Variants in NUP107 observed in about 807,000 individuals in gnomAD.
The protein encoded by NUP107 is nucleoporin 107.
In NUP107, 101 loss-of-function variants were observed where a neutral mutation model predicts 141.0. That is an observed-to-expected ratio of 0.72 (90% CI 0.61 to 0.84). The LOEUF (loss-of-function observed/expected upper bound fraction) is 0.84. NUP107 is among the 40% of genes least tolerant of loss of function. The pLI, the probability that NUP107 is intolerant of heterozygous loss-of-function variation, is 0.00. For synonymous variants in NUP107, 319 were observed against 363.9 expected (o/e 0.88, Z 1.41); for missense variants, 941 against 1,102.7 (o/e 0.85, Z 2.08).
chr12:68,719,302 C>A, intron 12 of NUP107, 39 bp from the exon 13 acceptor site: 1 of 1,483,052 alleles, frequency 6.7e-7, no homozygotes, highest in Admixed American at 1.7e-5. Context: ...TATAAAGCAC[C>A]CTGGTTATTG....
intron 8 of NUP107, chr12:68,706,503 G>T: frequency 1.5e-6 from 1 of 685,960 alleles, no homozygotes; most frequent in South Asian, 1.6e-5. Flanking sequence ...AGCTGCAGAC[G>T]CTGGCTTGGA....
At chr12:68,730,214 C>CCTTTTTTTTTT (rs1877759040) in intron 20 of NUP107, among the ~76,000 whole-genome samples, 1 of 85,382 alleles carries the variant, frequency 1.2e-5, no homozygotes, top group East Asian at 3.5e-4. Context: ...GTGATACTAC[C>CCTTTTTTTTTT]TTTTTTTTTT....
chr12:68,709,743 G>A (rs566417068), intron 9 of NUP107, among the ~76,000 whole-genome samples: 2 of 151,986 alleles, frequency 1.3e-5, no homozygotes, highest in East Asian at 3.9e-4. Context: ...AAAAAAATTA[G>A]CTGGGTGTGG....
At chr12:68,730,530 T>G (rs1877777676) in intron 20 of NUP107, among the ~76,000 whole-genome samples, 1 of 152,168 alleles carries the variant, frequency 6.6e-6, no homozygotes, top group South Asian at 2.1e-4. Context: ...CAAGTGATAC[T>G]TCTGCCTCAG....
At chr12:68,738,251 G>A (rs2136052282) in intron 26 of NUP107, among the ~76,000 whole-genome samples, 1 of 151,462 alleles carries the variant, frequency 6.6e-6, no homozygotes, top group Admixed American at 6.6e-5. Context: ...ACTCCAGCCT[G>A]GCAACAGAGC....
intron 19 of NUP107, 28 bp from the exon 20 acceptor site, chr12:68,727,323 T>C: frequency 8.2e-7 from 1 of 1,226,222 alleles, no homozygotes; most frequent in South Asian, 1.3e-5. Flanking sequence ...GCAGTGTATT[T>C]ATAATTATGT....
intron 3 of NUP107, 120 bp from the exon 4 acceptor site, chr12:68,690,511 G>T: frequency 1.7e-6 from 2 of 1,190,138 alleles, no homozygotes; most frequent in Non-Finnish European, 2.4e-6. Flanking sequence ...GTATTTATTT[G>T]GTTAGAGTCT....
chr12:68,740,765 T>G (rs1276682152), intron 26 of NUP107, among the ~76,000 whole-genome samples: 1 of 152,188 alleles, frequency 6.6e-6, no homozygotes, highest in East Asian at 1.9e-4. Flanking sequence ...GTGTAATTTC[T>G]GTAATCCCAG....
Position 68,745,287 on chromosome 12 carries a change from A to T in NUP107, c.*2825A>T, listed in dbSNP as rs1878482315. On this transcript the variant is annotated 3_prime_UTR_variant, in exon 28 of 28. Coordinates refer to ENST00000229179, the MANE Select transcript of NUP107 (RefSeq NM_020401.4). The stretch of plus-strand genomic sequence containing the variant: ...TTTATGACTGCTGAATTAATCCTAG[A>T]CTCTGTCTTAAAACTAAGAATTGAT... 1 of 152,054 alleles carries T rather than the reference A, an allele frequency of 6.6e-6. No homozygotes were observed. The highest frequency in any genetic ancestry group is 2.1e-4 in the South Asian group (1 of 4,824). The allele number at this position is 152,054 out of a possible 1,614,324, so 9.4% of individuals were successfully genotyped here.
intron 6 of NUP107, 112 bp downstream of exon 6, chr12:68,697,034 C>A: frequency 1.8e-6 from 1 of 552,898 alleles, no homozygotes; most frequent in South Asian, 3.0e-5. Flanking sequence ...GGAACAGTGG[C>A]AGGAGTGGAG....
intron 17 of NUP107, among the ~76,000 whole-genome samples, chr12:68,724,944 C>G (rs1313697789): frequency 6.6e-6 from 1 of 151,990 alleles, no homozygotes; most frequent in Non-Finnish European, 1.5e-5. Flanking sequence ...CAAACTAGAT[C>G]CAAGTATATA....
chr12:68,725,837 G>GTTT (rs373666468), intron 18 of NUP107, 41 bp downstream of exon 18: 31,891 of 612,004 alleles, frequency 0.052, 57 homozygotes, highest in South Asian at 0.07. Context: ...TTTTGTGTGT[G>GTTT]TTTTTTTTTT....
chr12:68,694,424 A>G (rs1272732287), intron 5 of NUP107, among the ~76,000 whole-genome samples: 1 of 152,270 alleles, frequency 6.6e-6, no homozygotes, highest in Non-Finnish European at 1.5e-5. Context: ...AAATTGGGCT[A>G]CATCAAAATT....
At chr12:68,718,825 T>C (rs1436334631) in intron 12 of NUP107, among the ~76,000 whole-genome samples, 1 of 151,802 alleles carries the variant, frequency 6.6e-6, no homozygotes, top group East Asian at 1.9e-4. Context: ...GGCATGCATA[T>C]GTTTTAAAAA....
At position 68,744,700 on chromosome 12, in the gene NUP107, G is replaced by A. The variant is rs1486498573; in HGVS notation, c.*2238G>A. 3 of 152,188 alleles carry A rather than the reference G, an allele frequency of 2.0e-5. No individual in the cohort carries two copies. Among genetic ancestry groups the A allele is most frequent in the African/African-American group, 4.8e-5 (2 of 41,448 alleles). 9.4% of individuals were successfully genotyped at this position (152,188 alleles called of 1,614,324 possible). A position where few individuals can be genotyped will look rare whatever the true frequency, so the allele number is the denominator to read the frequency against. Reference sequence around the variant, plus strand: ...CACCCAGCCAATTGGACTCCTTTGAGTCCTTAGGGAGTCAATGTGTGTGTT... The same window carrying A: ...CACCCAGCCAATTGGACTCCTTTGAATCCTTAGGGAGTCAATGTGTGTGTT... On this transcript the variant is annotated 3_prime_UTR_variant, in exon 28 of 28. Coordinates refer to ENST00000229179, the MANE Select transcript of NUP107 (RefSeq NM_020401.4).
chr12:68,690,677 C>T lies in NUP107; in HGVS notation c.234C>T (p.Cys78=). 1 of 1,614,090 alleles carries T rather than the reference C, an allele frequency of 6.2e-7. No homozygotes were observed. The highest frequency in any genetic ancestry group is 8.5e-7 in the Non-Finnish European group (1 of 1,179,940). The stretch of plus-strand genomic sequence containing the variant: ...TACTAAGGCAGCCAGATATTTCCTG[C>T]ATTCTTGGAACAGGAGGGAAGTCGC... ...RSLLRQPDIS[C]ILGTGGKSPR... is the part of the protein sequence containing the mutation. The change falls in exon 4 of 28, where the codon TGC becomes TGT. Residue 78 remains cysteine, a synonymous_variant. Coordinates refer to ENST00000229179, the MANE Select transcript of NUP107 (RefSeq NM_020401.4).
intron 15 of NUP107, 102 bp from the exon 16 acceptor site, chr12:68,721,739 A>G: frequency 8.5e-7 from 1 of 1,175,666 alleles, no homozygotes; most frequent in Non-Finnish European, 1.2e-6. Flanking sequence ...GTTTTATATC[A>G]TTATAAAGTG....
chr12:68,713,595 T>G (rs1287115618), intron 10 of NUP107, 135 bp from the exon 11 acceptor site: 1 of 656,718 alleles, frequency 1.5e-6, no homozygotes, highest in Non-Finnish European at 2.6e-6. Flanking sequence ...TAAAATGTAC[T>G]TCTGTATTAA....
rs192414867 is a variant in NUP107, at chr12:68,737,789, G to A, written c.2502+2445G>A. ...AGCCTAATACTCTTACATAGTCAATGACGTAGGGCATTGTTCAAGGCCCCT... is the reference window on the plus strand; with the variant it reads ...AGCCTAATACTCTTACATAGTCAATAACGTAGGGCATTGTTCAAGGCCCCT... On this transcript the variant is annotated intron_variant, in intron 26 of 27. Coordinates refer to ENST00000229179, the MANE Select transcript of NUP107 (RefSeq NM_020401.4). Among the ~76,000 whole-genome samples, 510 of 152,228 alleles carry A rather than the reference G, an allele frequency of 3.4e-3. 3 individuals are homozygous for A. The highest frequency in any genetic ancestry group is 0.011 in the African/African-American group (468 of 41,540).
Sources: gnomAD v4.1 joint callset for allele counts (sites outside exome capture counted in the v4.1 genomes callset) on GRCh38, gnomAD v4.1.1 for gene constraint, MANE v1.5 for transcripts, NCBI Gene and HGNC (gene_info 2026-07-23, HGNC 2026-07-21) for gene names.